The following BMPR1A variants were observed in gnomAD, a reference collection of about 807,000 sequenced individuals.
BMPR1A encodes the protein bone morphogenetic protein receptor type 1A, also known as bone morphogenetic protein receptor type-1A.
Under a neutral mutation model 66.0 loss-of-function variants are expected in BMPR1A, and 7 were observed. That is an observed-to-expected ratio of 0.11 (90% CI 0.06 to 0.20). The LOEUF (loss-of-function observed/expected upper bound fraction) is 0.20. Ranked by LOEUF, BMPR1A falls within the 10% of genes least tolerant of loss-of-function variation. The probability of loss-of-function intolerance (pLI) is 1.00; values close to 1 mark genes in which losing one functional copy is unlikely to be tolerated. For missense variants in BMPR1A, 408 were observed against 669.1 expected (o/e 0.61, Z 4.31); for synonymous variants, 200 against 229.7 (o/e 0.87, Z 1.17).
At chr10:86,835,337 G>A (rs1398085821) in intron 1 of BMPR1A, among the ~76,000 whole-genome samples, 6 of 149,544 alleles carry the variant, frequency 4.0e-5, no homozygotes, top group South Asian at 4.2e-4. Context: ...AGGCTGAGGC[G>A]GGCGGATCAT....
At chr10:86,839,971 A>T (rs1056049092) in intron 2 of BMPR1A, among the ~76,000 whole-genome samples, 1 of 152,144 alleles carries the variant, frequency 6.6e-6, no homozygotes, top group Non-Finnish European at 1.5e-5. Context: ...CCAGGATAAG[A>T]TTTTTTAACA....
In BMPR1A at chr10:86,821,624, A is replaced by G. The variant is rs140565750; in HGVS notation, c.-267-17241A>G. On this transcript the variant is annotated intron_variant, in intron 1 of 12. Coordinates refer to ENST00000372037, the MANE Select transcript of BMPR1A (RefSeq NM_004329.3). Reference sequence around the variant, plus strand: ...CCATTAACTTCATTACATTTTTCCAAAAAACTTTATGCTATTGCCCACATT... The same window carrying G: ...CCATTAACTTCATTACATTTTTCCAGAAAACTTTATGCTATTGCCCACATT... Among the ~76,000 whole-genome samples, 15 of 152,226 alleles carry G rather than the reference A, an allele frequency of 9.9e-5. No homozygotes were observed. The East Asian group carries it at 2.9e-3, about 29-fold the overall frequency.
intron 1 of BMPR1A, among the ~76,000 whole-genome samples, chr10:86,771,623 A>G (rs1841263475): frequency 3.9e-5 from 6 of 152,208 alleles, no homozygotes; most frequent in Admixed American, 3.9e-4. Context: ...TATATTGTCA[A>G]ATGGAGGAGG....
chr10:86,767,368 A>G (rs1841182687), intron 1 of BMPR1A, among the ~76,000 whole-genome samples: 1 of 152,232 alleles, frequency 6.6e-6, no homozygotes. Context: ...AAAGGCGTCC[A>G]GAATATGCTA....
intron 10 of BMPR1A, among the ~76,000 whole-genome samples, chr10:86,920,629 C>T (rs778881415): frequency 4.6e-5 from 7 of 152,106 alleles, no homozygotes; most frequent in Non-Finnish European, 1.0e-4. Flanking sequence ...ATATTGATCA[C>T]TGCTTTAGAG....
At position 86,846,799 on chromosome 10, in the gene BMPR1A, G is replaced by A. The variant is rs189761583; in HGVS notation, c.-153+7820G>A. 7.2e-5 allele frequency among the ~76,000 whole-genome samples: 11 copies of A among 152,218 alleles called. No individual in the cohort carries two copies. In the South Asian group the frequency reaches 8.3e-4, roughly 12 times the overall value. On this transcript the variant is annotated intron_variant, in intron 2 of 12. Coordinates refer to ENST00000372037, the MANE Select transcript of BMPR1A (RefSeq NM_004329.3). ...GTCTCAGAAATGTCATCCAGGTCTC[G>A]CTTTCAGGCTTTTTGATTATTCTGC...
chr10:86,838,042 A>G (rs1842376772), intron 1 of BMPR1A, among the ~76,000 whole-genome samples: 1 of 152,240 alleles, frequency 6.6e-6, no homozygotes, highest in Non-Finnish European at 1.5e-5. Context: ...TTTTTAAAAC[A>G]CGAAACAGAA....
intron 1 of BMPR1A, among the ~76,000 whole-genome samples, chr10:86,828,012 C>T (rs929151356): frequency 4.6e-5 from 7 of 152,148 alleles, no homozygotes; most frequent in Admixed American, 2.6e-4. Context: ...ATTAGCCGAG[C>T]GTGGTGACAC....
intron 3 of BMPR1A, chr10:86,889,821 T>C (rs1843121818): frequency 1.9e-6 from 1 of 515,552 alleles, no homozygotes; most frequent in Non-Finnish European, 3.4e-6. Flanking sequence ...TGTTTGTCTT[T>C]CACTAGTGCA....
At chr10:86,920,532 C>T (rs538117819) in intron 10 of BMPR1A, among the ~76,000 whole-genome samples, 1 of 152,282 alleles carries the variant, frequency 6.6e-6, no homozygotes, top group South Asian at 2.1e-4. Flanking sequence ...CTGTAAGAGA[C>T]ATTTAAATCT....
At chr10:86,776,081 C>G (rs2132679263) in intron 1 of BMPR1A, among the ~76,000 whole-genome samples, 1 of 152,318 alleles carries the variant, frequency 6.6e-6, no homozygotes, top group African/African-American at 2.4e-5. Context: ...TAAGCAGCCT[C>G]TGTTCCCCTT....
rs1843740291 is a variant in BMPR1A, at chr10:86,926,181, T to C, written c.*2462T>C. ...CTTGCTCAGTAAAAACATTTTCTAG[T>C]ATAACATGTTCTTTAAAAAGCAAAT... On this transcript the variant is annotated 3_prime_UTR_variant, in exon 13 of 13. Transcript: ENST00000372037. 1 of 164,102 alleles carries C rather than the reference T, an allele frequency of 6.1e-6. No individual in the cohort carries two copies. Among genetic ancestry groups the C allele is most frequent in the Non-Finnish European group, 1.3e-5 (1 of 74,988 alleles). The allele number at this position is 164,102 out of a possible 1,614,324, so 10.2% of individuals were successfully genotyped here.
At chr10:86,874,825 A>C (rs185091945) in intron 2 of BMPR1A, among the ~76,000 whole-genome samples, 7,966 of 147,458 alleles carry the variant, frequency 0.054, 276 homozygotes, top group South Asian at 0.11. Flanking sequence ...CCTGGGTTCA[A>C]GTGATTCTCC....
intron 4 of BMPR1A, 50 bp from the exon 5 acceptor site, chr10:86,892,077 C>T (rs1843157588): frequency 6.7e-7 from 1 of 1,489,642 alleles, no homozygotes; most frequent in African/African-American, 1.4e-5. Context: ...TTCGTTAGTA[C>T]TTTCTATGTG....
chr10:86,790,149 G>A (rs12770053), intron 1 of BMPR1A, among the ~76,000 whole-genome samples: 17,367 of 81,704 alleles, frequency 0.21, 2,885 homozygotes, highest in East Asian at 0.68. Flanking sequence ...ACGACAGAGC[G>A]AGACTCTGTC....
At chr10:86,854,368 T>C (rs1842612422) in intron 2 of BMPR1A, among the ~76,000 whole-genome samples, 1 of 152,190 alleles carries the variant, frequency 6.6e-6, no homozygotes, top group Non-Finnish European at 1.5e-5. Flanking sequence ...CCTCCTCAGC[T>C]GACAGGATTA....
At position 86,923,824 on chromosome 10, in the gene BMPR1A, C is replaced by G; in HGVS notation, c.*105C>G. The stretch of plus-strand genomic sequence containing the variant: ...AGGATGTTAACTTGGTTCTCAGACT[C>G]TTTCTTCACTACGTGTTCACAGGCT... On this transcript the variant is annotated 3_prime_UTR_variant, in exon 13 of 13. Transcript: ENST00000372037. 2 of 1,453,206 alleles carry G rather than the reference C, an allele frequency of 1.4e-6. No individual in the cohort carries two copies. Among genetic ancestry groups the G allele is most frequent in the East Asian group, 2.3e-5 (1 of 43,768 alleles). The allele number at this position is 1,453,206 out of a possible 1,614,324, so 90.0% of individuals were successfully genotyped here. A position where few individuals can be genotyped will look rare whatever the true frequency, so the allele number is the denominator to read the frequency against.
chr10:86,901,939 A>G (rs1263491390), intron 7 of BMPR1A, among the ~76,000 whole-genome samples: 2 of 152,038 alleles, frequency 1.3e-5, no homozygotes, highest in Non-Finnish European at 2.9e-5. Context: ...GCTCACTGCA[A>G]TCTCTGCCTC....
intron 1 of BMPR1A, among the ~76,000 whole-genome samples, chr10:86,815,767 C>T (rs954818096): frequency 2.0e-5 from 3 of 152,196 alleles, no homozygotes; most frequent in Admixed American, 6.5e-5. Flanking sequence ...TCTTAGTGCT[C>T]GTCCACATCT....
Sources: allele counts gnomAD v4.1 joint callset (sites outside exome capture counted in the v4.1 genomes callset), GRCh38; gene constraint gnomAD v4.1.1; transcripts MANE v1.5; gene names NCBI Gene and HGNC (gene_info 2026-07-23, HGNC 2026-07-21).